TIAM1: variants seen among roughly 807,000 people sequenced by gnomAD.
TIAM1 encodes TIAM Rac1 associated GEF 1.
Under a neutral mutation model 163.5 loss-of-function variants are expected in TIAM1, and 65 were observed. The ratio of observed to expected loss-of-function variants is 0.40; its 90% CI spans 0.33 to 0.49. TIAM1 has a LOEUF of 0.49. Ranked by LOEUF, TIAM1 falls within the 20% of genes least tolerant of loss-of-function variation. The pLI, the probability that TIAM1 is intolerant of heterozygous loss-of-function variation, is 0.77. For synonymous variants in TIAM1, 833 were observed against 810.1 expected, an observed-to-expected ratio of 1.03 and a Z score of -0.48; for missense variants, 1,789 against 2,044.7, an observed-to-expected ratio of 0.87 and a Z score of 2.41.
At chr21:31,353,494 A>G (rs1466430685) in intron 2 of TIAM1, among the ~76,000 whole-genome samples, 1 of 152,196 alleles carries the variant, frequency 6.6e-6, no homozygotes, top group Non-Finnish European at 1.5e-5. Flanking sequence ...TTTGATGACA[A>G]TGAGTTGCTG....
At chr21:31,523,312 C>G (rs2047668970) in intron 1 of TIAM1, among the ~76,000 whole-genome samples, 1 of 152,166 alleles carries the variant, frequency 6.6e-6, no homozygotes, top group Non-Finnish European at 1.5e-5. Context: ...AGAAAAAGTC[C>G]TAAGCAGTGC....
At chr21:31,473,287 G>A (rs1248828244) in intron 1 of TIAM1, among the ~76,000 whole-genome samples, 1 of 151,940 alleles carries the variant, frequency 6.6e-6, no homozygotes, top group Non-Finnish European at 1.5e-5. Context: ...AAAATTAGCT[G>A]GGCGTGGTGG....
At chr21:31,233,686 C>T (rs2088566331) in intron 6 of TIAM1, among the ~76,000 whole-genome samples, 1 of 152,214 alleles carries the variant, frequency 6.6e-6, no homozygotes, top group South Asian at 2.1e-4. Flanking sequence ...GCCTGGGCAA[C>T]AAGAGCGAGA....
intron 27 of TIAM1, among the ~76,000 whole-genome samples, chr21:31,121,682 T>C (rs1207815691): frequency 6.6e-6 from 1 of 152,166 alleles, no homozygotes; most frequent in Admixed American, 6.5e-5. Context: ...ACCGATGACA[T>C]CCAAGCAGTT....
chr21:31,269,765 A>G (rs2072973774), intron 3 of TIAM1, among the ~76,000 whole-genome samples: 2 of 143,772 alleles, frequency 1.4e-5, no homozygotes, highest in Non-Finnish European at 3.0e-5. Flanking sequence ...TCCACCTCCC[A>G]GGTTCACGCC....
Position 31,225,749 on chromosome 21 carries a change from TC to T in TIAM1, c.1785del (p.Lys597ArgfsTer5). On this transcript the variant is annotated frameshift_variant, in exon 7 of 28. Transcript: ENST00000541036. LOFTEE classifies it high-confidence loss of function. ...ACCTGATCTAATATTGTTTTCTTTTTCTTTGAGTCAGTGACTGAAGACAGCT... is the reference window on the plus strand; with the variant it reads ...ACCTGATCTAATATTGTTTTCTTTTTTTTGAGTCAGTGACTGAAGACAGCT... ...EMQLSSVTDS[K>X]KKKTILDQIF... is the part of the protein sequence containing the mutation. 1 of 1,613,176 alleles carries T rather than the reference TC, an allele frequency of 6.2e-7. No homozygotes were observed. Among genetic ancestry groups the T allele is most frequent in the Non-Finnish European group, 8.5e-7 (1 of 1,180,040 alleles).
intron 2 of TIAM1, among the ~76,000 whole-genome samples, chr21:31,304,646 TGAC>T (rs777499934): frequency 1.1e-4 from 16 of 152,224 alleles, no homozygotes; most frequent in Non-Finnish European, 7.3e-5. Flanking sequence ...TAGTAAATCC[TGAC>T]AACAGATTAG....
chr21:31,311,755 T>C (rs1209643626), intron 2 of TIAM1, among the ~76,000 whole-genome samples: 1 of 152,152 alleles, frequency 6.6e-6, no homozygotes, highest in Non-Finnish European at 1.5e-5. Context: ...AGTGTCAACT[T>C]GATTGGATTG....
chr21:31,394,278 A>C (rs888471788), intron 2 of TIAM1, among the ~76,000 whole-genome samples: 4 of 152,160 alleles, frequency 2.6e-5, no homozygotes, highest in African/African-American at 9.7e-5. Context: ...TATGACTCCA[A>C]CTACACGACA....
At chr21:31,175,408 G>A (rs979816932) in intron 15 of TIAM1, among the ~76,000 whole-genome samples, 5 of 152,306 alleles carry the variant, frequency 3.3e-5, no homozygotes, top group African/African-American at 7.2e-5. Context: ...AGAAACAGGC[G>A]TTTGAAACTT....
chr21:31,553,148 G>A (rs1311925667), intron 1 of TIAM1, among the ~76,000 whole-genome samples: 1 of 152,122 alleles, frequency 6.6e-6, no homozygotes, highest in African/African-American at 2.4e-5. Context: ...GACCAAAGTG[G>A]GTCATTTTTG....
intron 15 of TIAM1, among the ~76,000 whole-genome samples, chr21:31,172,933 T>C (rs544746563): frequency 2.6e-4 from 40 of 151,538 alleles, no homozygotes; most frequent in Non-Finnish European, 3.2e-4. Context: ...TGTGAACAGG[T>C]AAAATCAATG....
At position 31,200,890 on chromosome 21, in the gene TIAM1, G is replaced by C. The variant is rs75012605; in HGVS notation, c.2493+2018C>G. Among the ~76,000 whole-genome samples, 1,031 of 152,268 alleles carry C rather than the reference G, an allele frequency of 6.8e-3. 7 individuals are homozygous for C. The highest frequency in any genetic ancestry group is 0.024 in the African/African-American group (982 of 41,528). ...CATCCTTACAGATCTATGGGCTGGAGACCTTCTGCAACAGGCCAAGAAATA... is the reference window on the plus strand; with the variant it reads ...CATCCTTACAGATCTATGGGCTGGACACCTTCTGCAACAGGCCAAGAAATA... On this transcript the variant is annotated intron_variant, in intron 12 of 27. Coordinates refer to ENST00000541036, the MANE Select transcript of TIAM1 (RefSeq NM_001353694.2).
At chr21:31,350,559 G>T (rs950999721) in intron 2 of TIAM1, among the ~76,000 whole-genome samples, 15 of 152,146 alleles carry the variant, frequency 9.9e-5, no homozygotes, top group Non-Finnish European at 1.9e-4. Flanking sequence ...TCTCGTGATA[G>T]TGAGTCAGTT....
chr21:31,147,242 T>A (rs1370224204), intron 19 of TIAM1, among the ~76,000 whole-genome samples: 1 of 152,206 alleles, frequency 6.6e-6, no homozygotes, highest in Non-Finnish European at 1.5e-5. Flanking sequence ...ATAGGGTAGA[T>A]GTCCCTGGTT....
intron 1 of TIAM1, among the ~76,000 whole-genome samples, chr21:31,484,394 C>A (rs2046207636): frequency 6.6e-6 from 1 of 152,210 alleles, no homozygotes; most frequent in Non-Finnish European, 1.5e-5. Context: ...CTCAATACGT[C>A]AACACCTGCT....
At chr21:31,150,312 G>A (rs986131736) in intron 19 of TIAM1, among the ~76,000 whole-genome samples, 48 of 152,278 alleles carry the variant, frequency 3.2e-4, no homozygotes, top group African/African-American at 1.1e-3. Flanking sequence ...TATTGAGGTA[G>A]AATATCGAGG....
chr21:31,364,673 ATGGATGGATGGG>A (rs2076469262), intron 2 of TIAM1, among the ~76,000 whole-genome samples: 1 of 151,108 alleles, frequency 6.6e-6, no homozygotes, highest in African/African-American at 2.4e-5. Context: ...GGATGGACGG[ATGGATGGATGGG>A]TGGATGGATG....
chr21:31,272,279 G>A (rs924489408), intron 3 of TIAM1, among the ~76,000 whole-genome samples: 1 of 151,950 alleles, frequency 6.6e-6, no homozygotes, highest in Non-Finnish European at 1.5e-5. Context: ...GTGTACCACC[G>A]TAAAGTTAAA....
Sources: gnomAD v4.1 joint callset for allele counts (sites outside exome capture counted in the v4.1 genomes callset) on GRCh38, gnomAD v4.1.1 for gene constraint, MANE v1.5 for transcripts, NCBI Gene and HGNC (gene_info 2026-07-23, HGNC 2026-07-21) for gene names.